Variants in BIRC6 observed in about 807,000 individuals in gnomAD.
BIRC6 encodes the protein dual E2 ubiquitin-conjugating enzyme/E3 ubiquitin-protein ligase BIRC6.
BIRC6 carries 98 observed loss-of-function variants against 503.3 expected under a neutral mutation model. The ratio of observed to expected loss-of-function variants is 0.19; its 90% CI spans 0.17 to 0.23. The LOEUF (loss-of-function observed/expected upper bound fraction) is 0.23. Ranked by LOEUF, BIRC6 falls within the 10% of genes least tolerant of loss-of-function variation. The probability of loss-of-function intolerance (pLI) is 1.00; values close to 1 mark genes in which losing one functional copy is unlikely to be tolerated. For synonymous variants in BIRC6, 2,240 were observed against 2,078.7 expected (o/e 1.08, Z -2.11); for missense variants, 5,360 against 5,806.0 (o/e 0.92, Z 2.50).
At chr2:32,514,188 G>C (rs993544786) in intron 54 of BIRC6, among the ~76,000 whole-genome samples, 4 of 152,314 alleles carry the variant, frequency 2.6e-5, no homozygotes, top group East Asian at 1.9e-4. Context: ...AGGCATGGTG[G>C]CATGTTCCTC....
At chr2:32,602,674 C>T in intron 70 of BIRC6, 1 of 218,364 alleles carries the variant, frequency 4.6e-6, no homozygotes, top group South Asian at 1.6e-4. Context: ...TATTGAAATA[C>T]CACACTATAC....
chr2:32,517,549 C>G (rs1471769725), intron 55 of BIRC6, among the ~76,000 whole-genome samples: 1 of 152,094 alleles, frequency 6.6e-6, no homozygotes, highest in African/African-American at 2.4e-5. Context: ...TGATTTCTCT[C>G]TTGGTTTCTT....
intron 21 of BIRC6, 109 bp from the exon 22 acceptor site, chr2:32,448,686 G>A (rs1269848317): frequency 1.1e-6 from 1 of 887,206 alleles, no homozygotes; most frequent in Non-Finnish European, 1.7e-6. Context: ...AGAGGGGAGA[G>A]GGAGAGCCCT....
chr2:32,487,911 A>G (rs926216425), intron 41 of BIRC6, 110 bp downstream of exon 41: 2 of 892,446 alleles, frequency 2.2e-6, no homozygotes, highest in Admixed American at 2.8e-5. Context: ...TTTCTTTATT[A>G]TATTCAGTTG....
At chr2:32,375,827 G>A (rs1383989865) in intron 1 of BIRC6, among the ~76,000 whole-genome samples, 1 of 149,764 alleles carries the variant, frequency 6.7e-6, no homozygotes, top group African/African-American at 2.5e-5. Flanking sequence ...AGCATCACTA[G>A]TGTTACCTTT....
chr2:32,462,719 G>T (rs888837123), intron 23 of BIRC6, among the ~76,000 whole-genome samples: 2 of 152,130 alleles, frequency 1.3e-5, no homozygotes, highest in Admixed American at 6.5e-5. Context: ...CCTTTGGGAG[G>T]CCAAGGCTAG....
chr2:32,545,828 C>A lies in BIRC6; in HGVS notation c.12778C>A (p.Arg4260=), dbSNP rs778926735. 1 of 1,613,794 alleles carries A rather than the reference C, an allele frequency of 6.2e-7. No individual in the cohort carries two copies. The highest frequency in any genetic ancestry group is 2.2e-5 in the East Asian group (1 of 44,866). Residue 4260 remains arginine, a synonymous_variant, in exon 63 of 74, where the codon CGA becomes AGA. Transcript: ENST00000421745. ...CTCTGCTTTGAGCCACCATTCCCCA[C>A]GAGTTCCAAACTCTAGCGTGAATCA... ...CLSALSHHSP[R]VPNSSVNQTE... is the part of the protein sequence containing the mutation.
At chr2:32,433,452 A>G (rs1451318843) in intron 12 of BIRC6, among the ~76,000 whole-genome samples, 192 bp from the exon 13 acceptor site, 3 of 150,156 alleles carry the variant, frequency 2.0e-5, no homozygotes, top group African/African-American at 7.4e-5. Context: ...AGATTTCTAA[A>G]GTAAGATTAT....
chr2:32,441,513 C>A, intron 17 of BIRC6, 51 bp downstream of exon 17: 1 of 1,518,264 alleles, frequency 6.6e-7, no homozygotes, highest in Non-Finnish European at 9.0e-7. Flanking sequence ...AAGTGCAGAG[C>A]ATAACACCAC....
In BIRC6 at chr2:32,470,875, T is replaced by A; in HGVS notation, c.6482-139T>A. 3.6e-6 allele frequency: 3 copies of A among 839,752 alleles called. No homozygotes were observed. The South Asian group carries it at 6.1e-5, about 17-fold the overall frequency. 52.0% of individuals were successfully genotyped at this position (839,752 alleles called of 1,614,324 possible). A position where few individuals can be genotyped will look rare whatever the true frequency, so the allele number is the denominator to read the frequency against. On this transcript the variant is annotated intron_variant, in intron 31 of 73. Coordinates refer to ENST00000421745, the MANE Select transcript of BIRC6 (RefSeq NM_016252.4). ...TGTTGGTGTCTATTTTTTAGACTTA[T>A]TACATATAAATATTAGTGTTAGTAA...
Position 32,543,328 on chromosome 2 carries a change from G to A in BIRC6, c.12379G>A (p.Glu4127Lys). ...FEWVTIEQSG[E>K]LVYEAPETVA... ...ATGGGTGACCATTGAACAGTCAGGG[G>A]AGTTAGTTTATGAAGCACCAGAAAC... The change falls in exon 62 of 74, where the codon GAG (glutamate) becomes AAG (lysine). Residue 4127 changes from glutamate to lysine, a missense_variant. Coordinates refer to ENST00000421745, the MANE Select transcript of BIRC6 (RefSeq NM_016252.4). 6.2e-7 allele frequency: 1 copy of A among 1,613,974 alleles called. No individual in the cohort carries two copies. The highest frequency in any genetic ancestry group is 8.5e-7 in the Non-Finnish European group (1 of 1,179,882).
chr2:32,447,497 T>C (rs2046165342), intron 21 of BIRC6, among the ~76,000 whole-genome samples: 2 of 129,030 alleles, frequency 1.6e-5, no homozygotes, highest in African/African-American at 3.1e-5. Flanking sequence ...CCCACCTCCC[T>C]CCCGGACGGG....
At position 32,482,504 on chromosome 2, in the gene BIRC6, C is replaced by G; in HGVS notation, c.7618C>G (p.Leu2540Val). The change falls in exon 39 of 74, where the codon CTG becomes GTG. Residue 2540 changes from leucine to valine, a missense_variant. Physicochemically the swap from Leu to Val is conservative, Grantham distance 32. Transcript: ENST00000421745. The stretch of plus-strand genomic sequence containing the variant: ...CAATTACAACCCTTACATTGGAGGT[C>G]TGGGAATTCCTGTAGCAAAGCCACC... ...TYNYNPYIGG[L>V]GIPVAKPPAN... 2 of 1,613,858 alleles carry G rather than the reference C, an allele frequency of 1.2e-6. No individual in the cohort carries two copies. Among genetic ancestry groups the G allele is most frequent in the Non-Finnish European group, 8.5e-7 (1 of 1,179,832 alleles).
At chr2:32,588,171 T>C (rs1489479386) in intron 66 of BIRC6, among the ~76,000 whole-genome samples, 2 of 152,036 alleles carry the variant, frequency 1.3e-5, no homozygotes, top group South Asian at 2.1e-4. Context: ...CTGGCCAACA[T>C]GGTGAAACCC....
At chr2:32,450,039 G>T (rs902264528) in intron 22 of BIRC6, among the ~76,000 whole-genome samples, 26 of 152,312 alleles carry the variant, frequency 1.7e-4, no homozygotes, top group African/African-American at 5.8e-4. Context: ...TAGAACTGGA[G>T]ATACCAATGC....
In BIRC6 at chr2:32,438,558, CTT is replaced by C. The variant is rs1242771915; in HGVS notation, c.3632-932_3632-931del. Among the ~76,000 whole-genome samples, 1,139 of 126,896 alleles carry C rather than the reference CTT, an allele frequency of 9.0e-3. 3 individuals carry two copies. Among genetic ancestry groups the C allele is most frequent in the Middle Eastern group, 0.017 (4 of 230 alleles). The allele number at this position is 126,896 out of a possible 152,430, so 83.2% of individuals were successfully genotyped here. A position where few individuals can be genotyped will look rare whatever the true frequency, so the allele number is the denominator to read the frequency against. ...TAGTGATAATAATTATTTGAGTGTTCTTTTTTTTTTTTTTTTTTTGAGACGGA... is the reference window on the plus strand; with the variant it reads ...TAGTGATAATAATTATTTGAGTGTTCTTTTTTTTTTTTTTTTTGAGACGGA... On this transcript the variant is annotated intron_variant, in intron 15 of 73. Coordinates refer to ENST00000421745, the MANE Select transcript of BIRC6 (RefSeq NM_016252.4).
chr2:32,464,864 A>T, intron 25 of BIRC6, 41 bp downstream of exon 25: 1 of 1,539,826 alleles, frequency 6.5e-7, no homozygotes, highest in Non-Finnish European at 8.7e-7. Flanking sequence ...AGACATTTAA[A>T]AATATCTTGA....
chr2:32,514,063 CA>C (rs1020070153), intron 54 of BIRC6, among the ~76,000 whole-genome samples: 2 of 151,860 alleles, frequency 1.3e-5, no homozygotes, highest in African/African-American at 2.4e-5. Context: ...GACTCTGTCT[CA>C]AAAAAAATAA....
At chr2:32,489,506 A>C (rs545085053) in intron 42 of BIRC6, among the ~76,000 whole-genome samples, 1 of 151,980 alleles carries the variant, frequency 6.6e-6, no homozygotes, top group Non-Finnish European at 1.5e-5. Flanking sequence ...ATAAAAAATA[A>C]AAGAGTAAAA....
Sources: allele counts gnomAD v4.1 joint callset (sites outside exome capture counted in the v4.1 genomes callset), GRCh38; gene constraint gnomAD v4.1.1; transcripts MANE v1.5; gene names NCBI Gene and HGNC (gene_info 2026-07-23, HGNC 2026-07-21).